The following STX17 variants were observed in gnomAD, a reference collection of about 807,000 sequenced individuals.
The protein encoded by STX17 is syntaxin 17.
In STX17, 29 loss-of-function variants were observed where a neutral mutation model predicts 35.9. The ratio of observed to expected loss-of-function variants is 0.81; its 90% confidence interval spans 0.60 to 1.10. The LOEUF (loss-of-function observed/expected upper bound fraction) is 1.10. STX17 is among the 50% of genes least tolerant of loss of function. The pLI, the probability that STX17 is intolerant of heterozygous loss-of-function variation, is 0.00. For missense variants in STX17, 312 were observed against 352.3 expected, an observed-to-expected ratio of 0.89 and a Z score of 0.92; for synonymous variants, 92 against 118.3, an observed-to-expected ratio of 0.78 and a Z score of 1.44.
At chr9:99,949,325 A>G (rs1829545412) in intron 3 of STX17, among the ~76,000 whole-genome samples, 1 of 152,086 alleles carries the variant, frequency 6.6e-6, no homozygotes, top group Non-Finnish European at 1.5e-5. Flanking sequence ...TTTTTCACCC[A>G]GAAAAATCTT....
At chr9:99,915,589 TTTTG>T (rs561008029) in intron 2 of STX17, among the ~76,000 whole-genome samples, 16 of 152,258 alleles carry the variant, frequency 1.1e-4, no homozygotes, top group East Asian at 3.9e-4. Flanking sequence ...GTCTATGCTT[TTTTG>T]TTTGTTTGTT....
intron 4 of STX17, among the ~76,000 whole-genome samples, chr9:99,952,227 A>G (rs1829615841): frequency 1.3e-5 from 2 of 152,186 alleles, no homozygotes; most frequent in Non-Finnish European, 2.9e-5. Context: ...AAGAGCATGA[A>G]CAGACACTTC....
rs1447946983 is a variant in STX17, at chr9:99,973,386, C to A, written c.*4713C>A. Among the ~76,000 whole-genome samples the A allele has an allele frequency of 6.6e-6, 1 of 152,194 alleles. No individual in the cohort carries two copies. The highest frequency in any genetic ancestry group is 1.5e-5 in the Non-Finnish European group (1 of 68,028). ...CTGCTAAGGCTCATGGTCTTTCAGACTAGCTTCAACATTCCAAATCAGGCA... is the reference window on the plus strand; with the variant it reads ...CTGCTAAGGCTCATGGTCTTTCAGAATAGCTTCAACATTCCAAATCAGGCA... On this transcript the variant is annotated 3_prime_UTR_variant, in exon 8 of 8. Transcript: ENST00000259400.
chr9:99,906,751 A>C (rs897331757), intron 1 of STX17, 45 bp downstream of exon 1: 1 of 152,112 alleles, frequency 6.6e-6, no homozygotes, highest in African/African-American at 2.4e-5. Flanking sequence ...TCGGGCCCTC[A>C]CAGGCTTGGT....
chr9:99,946,099 A>G (rs1017405781), intron 3 of STX17, among the ~76,000 whole-genome samples: 2 of 152,128 alleles, frequency 1.3e-5, no homozygotes, highest in African/African-American at 4.8e-5. Context: ...AAAAACAAAA[A>G]CAAAAACAAA....
intron 1 of STX17, among the ~76,000 whole-genome samples, chr9:99,910,633 G>T (rs923173443): frequency 1.3e-5 from 2 of 151,980 alleles, no homozygotes; most frequent in African/African-American, 2.4e-5. Context: ...ATCAAATCAG[G>T]GTATTTGGGA....
chr9:99,940,860 G>T (rs1829344423), intron 3 of STX17, among the ~76,000 whole-genome samples: 1 of 152,158 alleles, frequency 6.6e-6, no homozygotes, highest in Non-Finnish European at 1.5e-5. Flanking sequence ...GCATCATACA[G>T]CTTTTTTCTT....
chr9:99,914,133 C>T (rs566697744), intron 1 of STX17: 113 of 152,210 alleles, frequency 7.4e-4, no homozygotes, highest in African/African-American at 2.5e-3. Flanking sequence ...CATAAAGATT[C>T]AGTGGCTCCA....
At chr9:99,918,886 G>C (rs1010549550) in intron 2 of STX17, among the ~76,000 whole-genome samples, 2 of 152,184 alleles carry the variant, frequency 1.3e-5, no homozygotes, top group Non-Finnish European at 2.9e-5. Context: ...GGCAGGGGTT[G>C]GGTGAGGAGC....
intron 6 of STX17, among the ~76,000 whole-genome samples, chr9:99,962,435 G>A (rs1311517441): frequency 6.6e-6 from 1 of 152,102 alleles, no homozygotes; most frequent in Non-Finnish European, 1.5e-5. Flanking sequence ...TACATGTATG[G>A]TTACACAAAT....
intron 1 of STX17, 68 bp downstream of exon 1, chr9:99,906,774 C>T (rs1340975566): frequency 2.0e-5 from 3 of 152,360 alleles, no homozygotes; most frequent in Non-Finnish European, 4.4e-5. Context: ...GCCTGGCGCC[C>T]GTGTGGCGCG....
intron 1 of STX17, chr9:99,914,252 G>A (rs1828721049): frequency 6.6e-6 from 1 of 152,170 alleles, no homozygotes; most frequent in Non-Finnish European, 1.5e-5. Flanking sequence ...GTGAGGTTGT[G>A]GCTAATGAAA....
chr9:99,946,060 G>A (rs546030265), intron 3 of STX17, among the ~76,000 whole-genome samples: 5 of 152,312 alleles, frequency 3.3e-5, no homozygotes, highest in Admixed American at 1.3e-4. Flanking sequence ...TCCAGCCTGG[G>A]CGATAGAGCA....
intron 4 of STX17, among the ~76,000 whole-genome samples, chr9:99,958,628 G>T (rs1829761524): frequency 6.6e-6 from 1 of 152,122 alleles, no homozygotes; most frequent in African/African-American, 2.4e-5. Flanking sequence ...TTTCTGACTA[G>T]GCCCAGGCTC....
At chr9:99,927,293 A>C (rs1022964904) in intron 2 of STX17, among the ~76,000 whole-genome samples, 1 of 152,152 alleles carries the variant, frequency 6.6e-6, no homozygotes, top group African/African-American at 2.4e-5. Context: ...TCAAACATGA[A>C]TCTCTGGCTT....
chr9:99,912,306 A>G (rs991311288), intron 1 of STX17, among the ~76,000 whole-genome samples: 28 of 151,598 alleles, frequency 1.8e-4, no homozygotes, highest in South Asian at 6.3e-4. Flanking sequence ...GGTGATAGCT[A>G]TTGTAACTGG....
intron 3 of STX17, among the ~76,000 whole-genome samples, chr9:99,941,582 T>C (rs1829363749): frequency 6.6e-6 from 1 of 152,188 alleles, no homozygotes; most frequent in South Asian, 2.1e-4. Flanking sequence ...AAATAGTTGC[T>C]GGTATCCTAG....
At chr9:99,921,927 A>G (rs1828896709) in intron 2 of STX17, among the ~76,000 whole-genome samples, 1 of 152,016 alleles carries the variant, frequency 6.6e-6, no homozygotes, top group African/African-American at 2.4e-5. Context: ...TGTATTTTGA[A>G]GATCATTTTC....
intron 3 of STX17, among the ~76,000 whole-genome samples, chr9:99,947,946 GTTTT>G (rs76739808): frequency 7.0e-6 from 1 of 142,160 alleles, no homozygotes. Context: ...TACTTTTCAA[GTTTT>G]TTTTTTTTTT....
Sources: allele counts gnomAD v4.1 joint callset (sites outside exome capture counted in the v4.1 genomes callset), GRCh38; gene constraint gnomAD v4.1.1; transcripts MANE v1.5; gene names NCBI Gene and HGNC (gene_info 2026-07-23, HGNC 2026-07-21).